The following RP1 variants were observed in gnomAD, a reference collection of about 807,000 sequenced individuals.
RP1 encodes oxygen-regulated protein 1.
A neutral mutation model predicts 14.8 loss-of-function variants in RP1; 16 were observed. That is an observed-to-expected ratio of 1.08 (90% CI 0.73 to 1.65). The LOEUF (loss-of-function observed/expected upper bound fraction) is 1.65, where lower values mean the gene tolerates loss of function less well. RP1 is among the 40% of genes most tolerant of loss of function. The probability of loss-of-function intolerance (pLI) is 0.00; values close to 1 mark genes in which losing one functional copy is unlikely to be tolerated. For synonymous variants in RP1, 876 were observed against 883.6 expected (o/e 0.99, Z 0.15); for missense variants, 2,631 against 2,535.0 (o/e 1.04, Z -0.81).
At chr8:54,724,722 C>A (rs1027579756) in intron 16 of RP1, among the ~76,000 whole-genome samples, 3 of 152,138 alleles carry the variant, frequency 2.0e-5, no homozygotes, top group African/African-American at 7.2e-5. Flanking sequence ...AAATGGGAAG[C>A]CTTCTCTACA....
At chr8:54,699,240 C>A (rs977767864) in intron 12 of RP1, among the ~76,000 whole-genome samples, 2 of 151,754 alleles carry the variant, frequency 1.3e-5, no homozygotes, top group African/African-American at 2.4e-5. Context: ...CAAGGAATCA[C>A]CAGTTTTTAA....
chr8:54,736,435 C>T (rs1376690118), intron 18 of RP1, among the ~76,000 whole-genome samples: 1 of 152,134 alleles, frequency 6.6e-6, no homozygotes, highest in African/African-American at 2.4e-5. Flanking sequence ...CTTACTAATC[C>T]TCAGTATCCT....
At chr8:54,686,344 A>G (rs1807562879) in intron 12 of RP1, among the ~76,000 whole-genome samples, 1 of 151,802 alleles carries the variant, frequency 6.6e-6, no homozygotes, top group African/African-American at 2.4e-5. Flanking sequence ...TTTCAAGACT[A>G]TCTCCCTGAG....
At chr8:54,587,534 C>T (rs1276024572) in intron 1 of RP1, among the ~76,000 whole-genome samples, 3 of 152,170 alleles carry the variant, frequency 2.0e-5, no homozygotes, top group Admixed American at 6.6e-5. Context: ...AAAATCCTCC[C>T]TCTAATACTG....
At chr8:54,580,451 C>T (rs538255087) in intron 1 of RP1, among the ~76,000 whole-genome samples, 5 of 149,430 alleles carry the variant, frequency 3.3e-5, no homozygotes, top group African/African-American at 9.8e-5. Flanking sequence ...GGACTACAGG[C>T]GTGCGCCACC....
intron 24 of RP1, among the ~76,000 whole-genome samples, chr8:54,820,502 A>G (rs1460654882): frequency 6.6e-6 from 1 of 152,090 alleles, no homozygotes; most frequent in Admixed American, 6.6e-5. Flanking sequence ...GGACTGCTCT[A>G]AATGCTCCCT....
chr8:54,708,372 T>A (rs941599271), intron 15 of RP1, among the ~76,000 whole-genome samples: 11 of 151,906 alleles, frequency 7.2e-5, no homozygotes. Context: ...TTTTTTCTTT[T>A]TTGAGACATA....
intron 4 of RP1, among the ~76,000 whole-genome samples, chr8:54,649,414 G>C (rs1806613403): frequency 6.6e-6 from 1 of 151,944 alleles, no homozygotes; most frequent in South Asian, 2.1e-4. Flanking sequence ...TGCCTTTCTG[G>C]CTCTCCAGAT....
intron 24 of RP1, among the ~76,000 whole-genome samples, chr8:54,811,606 A>C (rs1810997012): frequency 6.6e-6 from 1 of 152,344 alleles, no homozygotes; most frequent in East Asian, 1.9e-4. Context: ...CCGGACAGAC[A>C]TAGGACTTCA....
intron 8 of RP1, among the ~76,000 whole-genome samples, chr8:54,676,637 C>T (rs887739816): frequency 7.2e-5 from 11 of 152,166 alleles, no homozygotes; most frequent in Non-Finnish European, 1.5e-4. Flanking sequence ...GCAGGAACAG[C>T]CTAGCTTTCT....
At chr8:54,643,480 G>A (rs1806489728) in intron 3 of RP1, among the ~76,000 whole-genome samples, 1 of 152,166 alleles carries the variant, frequency 6.6e-6, no homozygotes, top group Non-Finnish European at 1.5e-5. Flanking sequence ...CTAGGGTTTT[G>A]ATCATCATGA....
chr8:54,818,969 G>A (rs1035763507), intron 24 of RP1, among the ~76,000 whole-genome samples: 4 of 152,038 alleles, frequency 2.6e-5, no homozygotes, highest in South Asian at 2.1e-4. Context: ...ACAGAGGAGC[G>A]GGTGGGGACT....
At chr8:54,805,553 C>T (rs1222763704) in intron 24 of RP1, among the ~76,000 whole-genome samples, 2 of 152,110 alleles carry the variant, frequency 1.3e-5, no homozygotes, top group African/African-American at 4.8e-5. Context: ...TGAATTTGTG[C>T]CATGTTAATT....
intron 1 of RP1, among the ~76,000 whole-genome samples, chr8:54,607,200 G>A (rs1344835551): frequency 1.3e-5 from 2 of 152,094 alleles, no homozygotes; most frequent in African/African-American, 4.8e-5. Context: ...GTTTGATAAT[G>A]GTGACAAACA....
At chr8:54,610,917 C>A (rs946397549) in intron 1 of RP1, among the ~76,000 whole-genome samples, 1 of 152,176 alleles carries the variant, frequency 6.6e-6, no homozygotes, top group Non-Finnish European at 1.5e-5. Flanking sequence ...TCTTGAGGAG[C>A]AGGTCTATTG....
intron 3 of RP1, 55 bp from the exon 4 acceptor site, chr8:54,624,615 T>G (rs1278097523): frequency 6.4e-7 from 1 of 1,568,922 alleles, no homozygotes; most frequent in Non-Finnish European, 8.8e-7. Flanking sequence ...CTAACTTCTC[T>G]GCCTTCCATA....
At chr8:54,794,426 C>CGTTTGTTAATATTTGACAAT (rs1810535530) in intron 24 of RP1, among the ~76,000 whole-genome samples, 2 of 150,768 alleles carry the variant, frequency 1.3e-5, no homozygotes, top group Non-Finnish European at 3.0e-5. Context: ...CATATACGAC[C>CGTTTGTTAATATTTGACAAT]GTTTGTCAAT....
chr8:54,745,936 T>C (rs1363367597), intron 19 of RP1, among the ~76,000 whole-genome samples: 1 of 152,088 alleles, frequency 6.6e-6, no homozygotes, highest in Non-Finnish European at 1.5e-5. Flanking sequence ...GATAGAAAAA[T>C]ACTAGACGAT....
chr8:54,720,131 T>TACA (rs1488154396), exon 16 of RP1: 10 of 1,532,588 alleles, frequency 6.5e-6, no homozygotes, highest in Non-Finnish European at 8.7e-6. Flanking sequence ...GATTGTAGGG[T>TACA]ACAGGAGATG....
Sources: allele counts gnomAD v4.1 joint callset (sites outside exome capture counted in the v4.1 genomes callset), GRCh38; gene constraint gnomAD v4.1.1; transcripts MANE v1.5; gene names NCBI Gene and HGNC (gene_info 2026-07-23, HGNC 2026-07-21).